The following KMT2D variants were observed in gnomAD, a reference collection of about 807,000 sequenced individuals.
KMT2D encodes the protein histone-lysine N-methyltransferase 2D.
Under a neutral mutation model 512.7 loss-of-function variants are expected in KMT2D, and 55 were observed. That is an observed-to-expected ratio of 0.11 (90% CI 0.09 to 0.13). The LOEUF (loss-of-function observed/expected upper bound fraction) is 0.13. Ranked by LOEUF, KMT2D falls within the 10% of genes least tolerant of loss-of-function variation. KMT2D has a pLI of 1.00. For synonymous variants in KMT2D, 2,995 were observed against 2,904.0 expected (o/e 1.03, Z -1.01); for missense variants, 6,061 against 7,127.9 (o/e 0.85, Z 5.39).
rs2120393710 is a variant in KMT2D at position 49,029,197 on chromosome 12, A to G, written c.14115T>C (p.Ile4705=). The G allele has an allele frequency of 1.2e-6, 2 of 1,613,894 alleles. No homozygotes were observed. The highest frequency in any genetic ancestry group is 1.7e-6 in the Non-Finnish European group (2 of 1,179,812). ...SDEDSDSPDS[I]VPASSPESIL... ...TGCTCTCAGGGGATGAAGCTGGCACAATGCTGTCAGGAGAATCGCTATCCT... is the reference window on the plus strand; with the variant it reads ...TGCTCTCAGGGGATGAAGCTGGCACGATGCTGTCAGGAGAATCGCTATCCT... Residue 4705 remains isoleucine (I), a synonymous_variant, in exon 45 of 55, where the codon ATT becomes ATC. Coordinates refer to ENST00000301067, the MANE Select transcript of KMT2D (RefSeq NM_003482.4).
rs1439459361 is a variant in KMT2D at position 49,038,783 on chromosome 12, G to C, written c.8573C>G (p.Ser2858Cys). The C allele has an allele frequency of 6.3e-7, 1 of 1,595,480 alleles. No individual in the cohort carries two copies. Among genetic ancestry groups the C allele is most frequent in the Non-Finnish European group, 8.5e-7 (1 of 1,171,112 alleles). The change falls in exon 35 of 55, where the codon TCC (serine) becomes TGC (cysteine). Residue 2858 changes from serine (S) to cysteine (C), a missense_variant. Physicochemically the swap from Ser to Cys is moderately radical, Grantham distance 112. Coordinates refer to ENST00000301067, the MANE Select transcript of KMT2D (RefSeq NM_003482.4). The surrounding 1 kb of genome is among the most constrained non-coding windows in gnomAD (Gnocchi z 5.7). The part of the protein sequence containing the change: ...QALGSPLAGI[S>C]TRLPGPGEPV... ...CTCACCAGGGCCTGGCAGACGGGTG[G>C]AAATTCCCGCCAACGGGGAACCTAG... is the stretch of plus-strand genomic sequence containing the variant.
In KMT2D at chr12:49,022,165, CAG is replaced by C; in HGVS notation, c.16413-16_16413-15del. 6.2e-7 allele frequency: 1 copy of C among 1,612,172 alleles called. No individual in the cohort carries two copies. Among genetic ancestry groups the C allele is most frequent in the South Asian group, 1.1e-5 (1 of 91,036 alleles). On this transcript the variant is annotated splice_polypyrimidine_tract_variant and intron_variant, in intron 53 of 54. Coordinates refer to ENST00000301067, the MANE Select transcript of KMT2D (RefSeq NM_003482.4). This position sits in a 1 kb window ranked among gnomAD's most constrained non-coding sequence, Gnocchi z 8.6. ...TGGTTAATGTACCTGGGCAGTGGGA[CAG>C]AGTCAGGGATGTCAGGCAACTAACT...
rs904939927 is a variant in KMT2D at position 49,049,986 on chromosome 12, T to C, written c.3602A>G (p.Lys1201Arg). Residue 1201 changes from lysine (K) to arginine (R), a missense_variant, in exon 12 of 55, where the codon AAA (lysine) becomes AGA (arginine). Transcript: ENST00000301067. Reference protein sequence around the residue: ...PVAPTPPTLIKSDIVNEISNL... With the variant: ...PVAPTPPTLIRSDIVNEISNL... Reference sequence around the variant, plus strand: ...AGAGATCTCGTTAACGATGTCGGATTTGATGAGAGTGGGTGGTGTGGGGGC... The same window carrying C: ...AGAGATCTCGTTAACGATGTCGGATCTGATGAGAGTGGGTGGTGTGGGGGC... 3 of 1,613,940 alleles carry C rather than the reference T, an allele frequency of 1.9e-6. No individual in the cohort carries two copies. The highest frequency in any genetic ancestry group is 2.2e-5 in the East Asian group (1 of 44,882).
Position 49,050,572 on chromosome 12 carries a change from C to G in KMT2D, c.3016G>C (p.Gly1006Arg), listed in dbSNP as rs781358154. Residue 1006 changes from glycine (G) to arginine (R), a missense_variant, in exon 12 of 55, where the codon GGC becomes CGC. Physicochemically the swap from Gly to Arg is moderately radical, Grantham distance 125. Around this residue, in one of 16 missense-constraint regions of KMT2D, gnomAD observed 447 missense variants for 500.1 expected, o/e 0.89. Transcript: ENST00000301067. ...GGAGAAGCCGGCCCCACTGGGGAGCCTGGAGATGGGGGAAGGATCATAGGG... is the reference window on the plus strand; with the variant it reads ...GGAGAAGCCGGCCCCACTGGGGAGCGTGGAGATGGGGGAAGGATCATAGGG... ...VPPMILPPSP[G>R]SPVGPASPIL... 5.6e-6 allele frequency: 9 copies of G among 1,603,302 alleles called. No individual in the cohort carries two copies. In the Admixed American group the frequency reaches 1.0e-4, roughly 18 times the overall value.
rs1937950462 is a variant in KMT2D at position 49,051,062 on chromosome 12, C to G, written c.2621G>C (p.Cys874Ser). The G allele has an allele frequency of 9.8e-6, 15 of 1,530,298 alleles. No individual in the cohort carries two copies. The highest frequency in any genetic ancestry group is 1.3e-5 in the South Asian group (1 of 76,582). The allele number at this position is 1,530,298 out of a possible 1,614,324, so 94.8% of individuals were successfully genotyped here. ...CAAGGGCAGCTCCTCAGGTGCAGGG[C>G]ATTGGCCTGGCTCCTCAGGGGGCTT... ...PEKPPEEPGQ[C>S]PAPEELPLFP... The change falls in exon 11 of 55, where the codon TGC becomes TCC. Residue 874 changes from cysteine (C) to serine (S), a missense_variant. Cys to Ser is a moderately radical substitution (Grantham distance 112). Around this residue, in one of 16 missense-constraint regions of KMT2D, gnomAD observed 848 missense variants for 838.5 expected, o/e 1.01. Transcript: ENST00000301067.
Position 49,033,732 on chromosome 12 carries a change from G to A in KMT2D, c.10973C>T (p.Thr3658Ile), listed in dbSNP as rs767668562. 2 of 1,613,518 alleles carry A rather than the reference G, an allele frequency of 1.2e-6. No homozygotes were observed. Among genetic ancestry groups the A allele is most frequent in the South Asian group, 2.2e-5 (2 of 91,082 alleles). The change falls in exon 40 of 55, where the codon ACC becomes ATC. Residue 3658 changes from threonine to isoleucine, a missense_variant. Thr to Ile is a moderately conservative substitution (Grantham distance 89). Coordinates refer to ENST00000301067, the MANE Select transcript of KMT2D (RefSeq NM_003482.4). ...PGGQAGGLRL[T>I]PGGMALPGQP... ...TCCAGGTAGTGCCATACCCCCAGGG[G>A]TCAGGCGAAGACCTCCGGCTTGCCC...
chr12:49,033,720 A>G lies in KMT2D; in HGVS notation c.10985T>C (p.Met3662Thr), dbSNP rs1011790338. 1.9e-6 allele frequency: 3 copies of G among 1,613,480 alleles called. No individual in the cohort carries two copies. In the African/African-American group the frequency reaches 4.0e-5, roughly 22 times the overall value. The change falls in exon 40 of 55, where the codon ATG becomes ACG. Residue 3662 changes from methionine to threonine, a missense_variant. Transcript: ENST00000301067. ...GCCACCAGGCTGTCCAGGTAGTGCCATACCCCCAGGGGTCAGGCGAAGACC... is the reference window on the plus strand; with the variant it reads ...GCCACCAGGCTGTCCAGGTAGTGCCGTACCCCCAGGGGTCAGGCGAAGACC... ...AGGLRLTPGG[M>T]ALPGQPGGPF...
intron 48 of KMT2D, 74 bp downstream of exon 48, chr12:49,027,729 C>T (rs1194710474): frequency 1.3e-6 from 2 of 1,532,942 alleles, no homozygotes; most frequent in East Asian, 2.5e-5. Flanking sequence ...ACTGGGATTA[C>T]AGATGTGAGC....
Position 49,038,929 on chromosome 12 carries a change from G to A in KMT2D, c.8427C>T (p.Pro2809=), listed in dbSNP as rs1592132159. The A allele has an allele frequency of 5.8e-6, 9 of 1,551,770 alleles. No individual in the cohort carries two copies. The African/African-American group carries it at 6.8e-5, about 12-fold the overall frequency. The change falls in exon 35 of 55, where the codon CCC becomes CCT. Residue 2809 remains proline (P), a synonymous_variant. Coordinates refer to ENST00000301067, the MANE Select transcript of KMT2D (RefSeq NM_003482.4). This position sits in a 1 kb window ranked among gnomAD's most constrained non-coding sequence, Gnocchi z 5.7. Reference sequence around the variant, plus strand: ...ACAGTTGTTGCTGTTGCTGCTGTAAGGGCAGGGACCCAGGATAGGGTGCTC... The same window carrying A: ...ACAGTTGTTGCTGTTGCTGCTGTAAAGGCAGGGACCCAGGATAGGGTGCTC... ...YQRAPYPGSL[P]LQQQQQQLWQ... is the part of the protein sequence containing the mutation.
In KMT2D at chr12:49,052,668, G is replaced by T; in HGVS notation, c.1154C>A (p.Pro385His). ...TTGGCATGCAACGTACAGAGCATCG[G>T]GCTCGTCAGTGGGGGTATCGCCAGG... ...PEPGDTPTDE[P>H]DALYVACQGQ... Residue 385 changes from proline (P) to histidine (H), a missense_variant, in exon 10 of 55, where the codon CCC (proline) becomes CAC (histidine). This residue lies in a region of KMT2D where 848 missense variants were observed against 838.5 expected (regional missense o/e 1.01). Coordinates refer to ENST00000301067, the MANE Select transcript of KMT2D (RefSeq NM_003482.4). The T allele has an allele frequency of 6.2e-7, 1 of 1,613,774 alleles. No homozygotes were observed. Among genetic ancestry groups the T allele is most frequent in the Non-Finnish European group, 8.5e-7 (1 of 1,179,784 alleles).
At chr12:49,055,916 C>A (rs1938380873) in intron 1 of KMT2D, among the ~76,000 whole-genome samples, 1 of 152,184 alleles carries the variant, frequency 6.6e-6, no homozygotes, top group African/African-American at 2.4e-5. Context: ...TCCCCCACCG[C>A]CACTTGTTTC....
rs951136426 is a variant in KMT2D, at chr12:49,053,698, A to G, written c.674-57T>C. ...ATGGATTCCTTGTAAGCCTCAGCACATTGCTGTACACAAAACAGGCACTCC... is the reference window on the plus strand; with the variant it reads ...ATGGATTCCTTGTAAGCCTCAGCACGTTGCTGTACACAAAACAGGCACTCC... On this transcript the variant is annotated intron_variant, in intron 6 of 54. Coordinates refer to ENST00000301067, the MANE Select transcript of KMT2D (RefSeq NM_003482.4). The G allele has an allele frequency of 2.0e-6, 3 of 1,521,258 alleles. No individual in the cohort carries two copies. In the African/African-American group the frequency reaches 4.1e-5, roughly 21 times the overall value. The allele number at this position is 1,521,258 out of a possible 1,614,324, so 94.2% of individuals were successfully genotyped here. A position where few individuals can be genotyped will look rare whatever the true frequency, so the allele number is the denominator to read the frequency against.
rs755202212 is a variant in KMT2D, at chr12:49,032,193, T to C, written c.12512A>G (p.Gln4171Arg). 20 of 1,612,824 alleles carry C rather than the reference T, an allele frequency of 1.2e-5. No homozygotes were observed. Among genetic ancestry groups the C allele is most frequent in the Admixed American group, 3.3e-5 (2 of 59,964 alleles). Residue 4171 changes from glutamine to arginine, a missense_variant, in exon 40 of 55, where the codon CAA becomes CGA. By Grantham distance (43) the Gln-to-Arg change is conservative (BLOSUM62 1). This residue lies in a region of KMT2D where 1,600 missense variants were observed against 1,754.9 expected (regional missense o/e 0.91). Coordinates refer to ENST00000301067, the MANE Select transcript of KMT2D (RefSeq NM_003482.4). ...GAGGACAGGTCCTGGTTTGGGAGGT[T>C]GTGGCCCTGTATTATTTTGCATGGG... ...ERPMQNNTGP[Q>R]PPKPGPVLQS... is the part of the protein sequence containing the mutation.
At chr12:49,037,037 G>T in intron 35 of KMT2D, 88 bp downstream of exon 35, 1 of 1,470,698 alleles carries the variant, frequency 6.8e-7, no homozygotes, top group East Asian at 2.3e-5. Context: ...CTTAAGTAGG[G>T]ATTATCTGAG....
chr12:49,057,891 C>T (rs1938504482), intron 1 of KMT2D, among the ~76,000 whole-genome samples: 1 of 152,168 alleles, frequency 6.6e-6, no homozygotes, highest in Non-Finnish European at 1.5e-5. Flanking sequence ...ACTGTGCTGG[C>T]ACCCCCTCAG....
chr12:49,031,163 C>CA lies in KMT2D; in HGVS notation c.13530+11dup, dbSNP rs1324997852. 28 of 1,606,952 alleles carry CA rather than the reference C, an allele frequency of 1.7e-5. No individual in the cohort carries two copies. The highest frequency in any genetic ancestry group is 2.2e-5 in the East Asian group (1 of 44,796). ...CCCACTCTACCTGCTCCACTCTACT[C>CA]AGAGTACTCACCTCCTTGTTGCTGG... is the stretch of plus-strand genomic sequence containing the variant. On this transcript the variant is annotated intron_variant, in intron 40 of 54. Coordinates refer to ENST00000301067, the MANE Select transcript of KMT2D (RefSeq NM_003482.4).
Position 49,038,321 on chromosome 12 carries a change from A to AGGTGT in KMT2D, c.9034_9035insACACC (p.Leu3012HisfsTer19). On this transcript the variant is annotated frameshift_variant, in exon 35 of 55. Coordinates refer to ENST00000301067, the MANE Select transcript of KMT2D (RefSeq NM_003482.4). LOFTEE classifies it high-confidence loss of function. The surrounding 1 kb of genome is among the most constrained non-coding windows in gnomAD (Gnocchi z 5.7). Reference sequence around the variant, plus strand: ...CTTGGCCACATCCACACCCAGACCCAGGTGAGCAAGCTCTTCATCATCCTC... The same window carrying AGGTGT: ...CTTGGCCACATCCACACCCAGACCCAGGTGTGGTGAGCAAGCTCTTCATCATCCTC... 6.2e-7 allele frequency: 1 copy of AGGTGT among 1,613,876 alleles called. No homozygotes were observed.
In KMT2D at chr12:49,038,729, T is replaced by C. The variant is rs763464336; in HGVS notation, c.8627A>G (p.Gln2876Arg). 3 of 1,609,070 alleles carry C rather than the reference T, an allele frequency of 1.9e-6. No homozygotes were observed. Among genetic ancestry groups the C allele is most frequent in the Non-Finnish European group, 8.5e-7 (1 of 1,178,060 alleles). The change falls in exon 35 of 55, where the codon CAG (glutamine) becomes CGG (arginine). Residue 2876 changes from glutamine (Q) to arginine (R), a missense_variant. Coordinates refer to ENST00000301067, the MANE Select transcript of KMT2D (RefSeq NM_003482.4). This position sits in a 1 kb window ranked among gnomAD's most constrained non-coding sequence, Gnocchi z 5.7. ...TACATTGTGCCGCAGCTCAATGAAC[T>C]GGGCAGGACCAGCTGGACCAGGCAC... ...EPVPGPAGPAQFIELRHNVQK... is the reference protein window; with the variant it reads ...EPVPGPAGPARFIELRHNVQK...
At position 49,040,742 on chromosome 12, in the gene KMT2D, G is replaced by T. The variant is rs764884530; in HGVS notation, c.7028C>A (p.Pro2343Gln). 3 of 1,613,362 alleles carry T rather than the reference G, an allele frequency of 1.9e-6. No individual in the cohort carries two copies. In the African/African-American group the frequency reaches 4.0e-5, roughly 22 times the overall value. Residue 2343 changes from proline to glutamine, a missense_variant, in exon 32 of 55, where the codon CCG becomes CAG. Physicochemically the swap from Pro to Gln is moderately conservative, Grantham distance 76. Around this residue, in one of 16 missense-constraint regions of KMT2D, gnomAD observed 710 missense variants for 647.3 expected, o/e 1.10. Coordinates refer to ENST00000301067, the MANE Select transcript of KMT2D (RefSeq NM_003482.4). ...PRASQVEPQS[P>Q]GLGLRPQEPP... ...CTCCTGGGGCCTTAGGCCCAAGCCC[G>T]GGCTCTGGGGCTCTACCTGAGATGC...
Sources: gnomAD v4.1 joint callset for allele counts (sites outside exome capture counted in the v4.1 genomes callset) on GRCh38, gnomAD v4.1.1 for gene constraint, gnomAD v4.1.1 regional missense constraint, Gnocchi (gnomAD v3.1) non-coding constraint, MANE v1.5 for transcripts, NCBI Gene and HGNC (gene_info 2026-07-23, HGNC 2026-07-21) for gene names.